The following LIG1 variants were observed in gnomAD, a reference collection of about 807,000 sequenced individuals.
LIG1 encodes ligase I, DNA, ATP-dependent.
Under a neutral mutation model 115.7 loss-of-function variants are expected in LIG1, and 70 were observed. The ratio of observed to expected loss-of-function variants is 0.60; its 90% CI spans 0.50 to 0.74. LIG1 has a LOEUF of 0.74. LIG1 is among the 30% of genes least tolerant of loss of function. LIG1 has a pLI of 0.00. For synonymous variants in LIG1, 487 were observed against 495.3 expected, an observed-to-expected ratio of 0.98 and a Z score of 0.22; for missense variants, 1,115 against 1,225.6, an observed-to-expected ratio of 0.91 and a Z score of 1.35.
intron 11 of LIG1, among the ~76,000 whole-genome samples, chr19:48,141,174 C>G (rs190618149): frequency 1.3e-5 from 2 of 152,364 alleles, no homozygotes; most frequent in East Asian, 3.9e-4. Flanking sequence ...GAGTCTCGCT[C>G]CATCGCCCAA....
intron 9 of LIG1, among the ~76,000 whole-genome samples, chr19:48,145,612 G>T (rs1160831728): frequency 1.3e-5 from 2 of 152,110 alleles, no homozygotes; most frequent in African/African-American, 4.8e-5. Flanking sequence ...CATGGCCTTT[G>T]GTATGAACTT....
chr19:48,134,119 G>T, intron 16 of LIG1, 53 bp from the exon 17 acceptor site: 1 of 1,492,104 alleles, frequency 6.7e-7, no homozygotes, highest in Non-Finnish European at 9.1e-7. Flanking sequence ...AACTCACACA[G>T]TTTGGAAAGA....
intron 19 of LIG1, among the ~76,000 whole-genome samples, chr19:48,128,695 G>A (rs1421427193): frequency 6.6e-6 from 1 of 152,246 alleles, no homozygotes; most frequent in Non-Finnish European, 1.5e-5. Flanking sequence ...GAACACTGTT[G>A]CCCAAGCCGG....
intron 16 of LIG1, among the ~76,000 whole-genome samples, chr19:48,135,099 TG>T (rs1229423905): frequency 6.6e-6 from 1 of 152,236 alleles, no homozygotes; most frequent in Non-Finnish European, 1.5e-5. Flanking sequence ...CAGCCCTGTC[TG>T]GCACTCAGAA....
chr19:48,116,440 T>TC (rs1353999757), intron 26 of LIG1, among the ~76,000 whole-genome samples: 3 of 86,030 alleles, frequency 3.5e-5, no homozygotes, highest in African/African-American at 1.8e-4. Context: ...AGAGCGAGAC[T>TC]CCAACTCAAA....
chr19:48,141,284 C>T (rs2034731343), intron 11 of LIG1, among the ~76,000 whole-genome samples: 1 of 152,234 alleles, frequency 6.6e-6, no homozygotes, highest in East Asian at 1.9e-4. Flanking sequence ...TGCGCACCAC[C>T]ATGCCCGGCT....
At chr19:48,168,563 A>C (rs2036597142) in intron 1 of LIG1, among the ~76,000 whole-genome samples, 1 of 152,128 alleles carries the variant, frequency 6.6e-6, no homozygotes, top group Non-Finnish European at 1.5e-5. Flanking sequence ...AGACCCTCAC[A>C]GGTGGACCAA....
chr19:48,123,512 G>C, intron 21 of LIG1, 194 bp from the exon 22 acceptor site: 1 of 648,612 alleles, frequency 1.5e-6, no homozygotes. Context: ...ACTGGCAAGA[G>C]GGCCCGACAC....
intron 9 of LIG1, among the ~76,000 whole-genome samples, chr19:48,148,118 G>A (rs1256361568): frequency 6.6e-6 from 1 of 152,214 alleles, no homozygotes; most frequent in Non-Finnish European, 1.5e-5. Flanking sequence ...GGGGCCTGAG[G>A]GAAGCCTGCT....
intron 21 of LIG1, among the ~76,000 whole-genome samples, chr19:48,126,235 G>C (rs1568486954): frequency 6.6e-6 from 1 of 152,056 alleles, no homozygotes; most frequent in Non-Finnish European, 1.5e-5. Flanking sequence ...GACGGCATGT[G>C]GCCTGGCTCC....
At chr19:48,159,569 G>C (rs1161797885) in intron 4 of LIG1, among the ~76,000 whole-genome samples, 1 of 152,210 alleles carries the variant, frequency 6.6e-6, no homozygotes, top group Non-Finnish European at 1.5e-5. Context: ...CCTTCCGATA[G>C]TGGGATTACC....
intron 12 of LIG1, among the ~76,000 whole-genome samples, chr19:48,139,615 C>T (rs1214277997): frequency 6.6e-6 from 1 of 152,182 alleles, no homozygotes; most frequent in Non-Finnish European, 1.5e-5. Context: ...TTTCCTCCCA[C>T]TCCTTCCAAT....
intron 2 of LIG1, among the ~76,000 whole-genome samples, chr19:48,163,265 AG>A (rs2036290888): frequency 6.6e-6 from 1 of 151,002 alleles, no homozygotes. Flanking sequence ...TTGTTGCCCA[AG>A]GGTGGAGTGC....
rs274894 is a variant in LIG1 at position 48,150,396 on chromosome 19, C to A, written c.575-186G>T. On this transcript the variant is annotated intron_variant, in intron 7 of 27. Transcript: ENST00000263274. ...CTGTCTACTCCTCAGTGCTAACTAGCGGAATTCTAGCACTTGGCCTGAAAT... is the reference window on the plus strand; with the variant it reads ...CTGTCTACTCCTCAGTGCTAACTAGAGGAATTCTAGCACTTGGCCTGAAAT... Among the ~76,000 whole-genome samples, 518 of 152,208 alleles carry A rather than the reference C, an allele frequency of 3.4e-3. 3 individuals are homozygous for A. Among genetic ancestry groups the A allele is most frequent in the African/African-American group, 0.012 (486 of 41,526 alleles).
At chr19:48,147,653 A>AG (rs2035202468) in intron 9 of LIG1, among the ~76,000 whole-genome samples, 1 of 150,520 alleles carries the variant, frequency 6.6e-6, no homozygotes, top group Middle Eastern at 3.2e-3. Context: ...TTTAAAAAAA[A>AG]AAACAAGAAA....
chr19:48,124,651 C>T (rs1198068291), intron 21 of LIG1, among the ~76,000 whole-genome samples: 3 of 152,208 alleles, frequency 2.0e-5, no homozygotes, highest in African/African-American at 7.2e-5. Context: ...ATATCTTAGA[C>T]ATTGGATTAA....
chr19:48,165,713 A>G (rs1192842807), intron 1 of LIG1, 90 bp from the exon 2 acceptor site: 3 of 982,616 alleles, frequency 3.1e-6, no homozygotes, highest in Non-Finnish European at 4.7e-6. Context: ...AAGAAAGAAA[A>G]AAAAAAACAG....
intron 4 of LIG1, among the ~76,000 whole-genome samples, chr19:48,158,017 CAT>C (rs1161653502): frequency 6.6e-6 from 1 of 152,124 alleles, no homozygotes; most frequent in Non-Finnish European, 1.5e-5. Context: ...TCCTGGTTCA[CAT>C]GAGAGCTGGT....
At position 48,134,027 on chromosome 19, in the gene LIG1, C is replaced by T; in HGVS notation, c.1563G>A (p.Leu521=). The T allele has an allele frequency of 6.4e-7, 1 of 1,557,734 alleles. No homozygotes were observed. Among genetic ancestry groups the T allele is most frequent in the Non-Finnish European group, 8.7e-7 (1 of 1,150,236 alleles). The change falls in exon 17 of 28, where the codon CTG becomes CTA. Residue 521 remains leucine (L), a synonymous_variant. Transcript: ENST00000263274. ...CCGGGAGACGTTCCAGGCCGTGCTC[C>T]AGCAGCACGGGGATAATTCGGTCCA... ...PDLDRIIPVL[L]EHGLERLPEH...
Sources: allele counts gnomAD v4.1 joint callset (sites outside exome capture counted in the v4.1 genomes callset), GRCh38; gene constraint gnomAD v4.1.1; transcripts MANE v1.5; gene names NCBI Gene and HGNC (gene_info 2026-07-23, HGNC 2026-07-21).